Variants in PILRA observed in about 807,000 individuals in gnomAD.
PILRA encodes the protein paired immunoglobulin-like type 2 receptor alpha.
A neutral mutation model predicts 33.1 loss-of-function variants in PILRA; 37 were observed. The observed-to-expected ratio is 1.12, with a 90% CI of 0.86 to 1.47. The LOEUF (loss-of-function observed/expected upper bound fraction) is 1.47. Among genes scored for constraint, PILRA ranks in the 40% most tolerant of loss-of-function variants. The probability of loss-of-function intolerance (pLI) is 0.00; values close to 1 mark genes in which losing one functional copy is unlikely to be tolerated. For missense variants in PILRA, 312 were observed against 376.2 expected (o/e 0.83, Z 1.41); for synonymous variants, 146 against 149.9 (o/e 0.97, Z 0.19).
rs76001785 is a variant in PILRA at position 100,388,283 on chromosome 7, T to C, written c.455-1605T>C. Among the ~76,000 whole-genome samples, 536 of 152,316 alleles carry C rather than the reference T, an allele frequency of 3.5e-3. 3 individuals carry two copies. Among genetic ancestry groups the C allele is most frequent in the African/African-American group, 0.012 (496 of 41,566 alleles). ...TAAGGAGCCTGATTTTTTTGTCCTGTGGCTGAGTACTATGTCAATTTTTTA... is the reference window on the plus strand; with the variant it reads ...TAAGGAGCCTGATTTTTTTGTCCTGCGGCTGAGTACTATGTCAATTTTTTA... On this transcript the variant is annotated intron_variant, in intron 2 of 6. Coordinates refer to ENST00000198536, the MANE Select transcript of PILRA (RefSeq NM_013439.3).
chr7:100,382,603 G>C (rs971033919), intron 2 of PILRA, among the ~76,000 whole-genome samples: 1 of 152,190 alleles, frequency 6.6e-6, no homozygotes, highest in Non-Finnish European at 1.5e-5. Context: ...CTGTAAAATA[G>C]ACCAATCAGC....
At chr7:100,377,266 AGTCTTGCTGT>A (rs1200525586) in intron 2 of PILRA, among the ~76,000 whole-genome samples, 14 of 83,332 alleles carry the variant, frequency 1.7e-4, no homozygotes, top group Admixed American at 1.4e-3. Flanking sequence ...TTTGAGATGG[AGTCTTGCTGT>A]GTCTTCCAGG....
chr7:100,385,466 T>C (rs1791233667), intron 2 of PILRA, among the ~76,000 whole-genome samples: 1 of 152,130 alleles, frequency 6.6e-6, no homozygotes, highest in South Asian at 2.1e-4. Flanking sequence ...ATCTCCCCAG[T>C]CCCTACCACT....
In PILRA at chr7:100,374,606, C is replaced by G. The variant is rs1264359886; in HGVS notation, c.454+173C>G. 6.5e-5 allele frequency: 47 copies of G among 723,428 alleles called. No homozygotes were observed. The Admixed American group carries it at 9.7e-4, about 15-fold the overall frequency. The allele number at this position is 723,428 out of a possible 1,614,324, so 44.8% of individuals were successfully genotyped here. A position where few individuals can be genotyped will look rare whatever the true frequency, so the allele number is the denominator to read the frequency against. On this transcript the variant is annotated intron_variant, in intron 2 of 6. Transcript: ENST00000198536. Reference sequence around the variant, plus strand: ...GCCACCTCTCCCCTTTTCTCTTCCCCTTGTCTCCACAACTGATCTGCTTTC... The same window carrying G: ...GCCACCTCTCCCCTTTTCTCTTCCCGTTGTCTCCACAACTGATCTGCTTTC...
intron 2 of PILRA, among the ~76,000 whole-genome samples, chr7:100,383,690 G>A (rs942802993): frequency 2.6e-5 from 4 of 151,532 alleles, no homozygotes; most frequent in African/African-American, 7.3e-5. Context: ...AGGCTGGAGT[G>A]CAGTAGCATG....
intron 2 of PILRA, among the ~76,000 whole-genome samples, chr7:100,383,346 T>C (rs1453464216): frequency 6.6e-6 from 1 of 152,066 alleles, no homozygotes; most frequent in Non-Finnish European, 1.5e-5. Context: ...CAAGGCCAGC[T>C]CCAAAGGCAC....
intron 4 of PILRA, among the ~76,000 whole-genome samples, chr7:100,398,697 G>GATTGACCTTTTTCCT (rs1791550477): frequency 6.6e-6 from 1 of 152,162 alleles, no homozygotes; most frequent in African/African-American, 2.4e-5. Flanking sequence ...AGAAAGCAAG[G>GATTGACCTTTTTCCT]ATTGACCTTT....
intron 2 of PILRA, among the ~76,000 whole-genome samples, chr7:100,387,663 G>A (rs931228227): frequency 1.1e-4 from 17 of 152,116 alleles, no homozygotes; most frequent in East Asian, 5.8e-4. Flanking sequence ...GTACGATTGC[G>A]CACCCCAGCT....
Position 100,373,491 on chromosome 7 carries a change from TG to T in PILRA, c.-164del. The T allele has an allele frequency of 1.4e-6, 1 of 719,672 alleles. No individual in the cohort carries two copies. Among genetic ancestry groups the T allele is most frequent in the Non-Finnish European group, 2.4e-6 (1 of 411,604 alleles). The allele number at this position is 719,672 out of a possible 1,614,324, so 44.6% of individuals were successfully genotyped here. ...TGGATAAAGGAAGTGCTGGTCACCCTGGAGGTGCACTGGTTTGGGGAAGGCT... is the reference window on the plus strand; with the variant it reads ...TGGATAAAGGAAGTGCTGGTCACCCTGAGGTGCACTGGTTTGGGGAAGGCT... On this transcript the variant is annotated 5_prime_UTR_variant, in exon 1 of 7. Transcript: ENST00000198536.
At chr7:100,395,902 A>G (rs1584228217) in intron 3 of PILRA, among the ~76,000 whole-genome samples, 1 of 152,198 alleles carries the variant, frequency 6.6e-6, no homozygotes, top group East Asian at 1.9e-4. Flanking sequence ...GAGGTGGCAG[A>G]TCACCTGAGG....
upstream of PILRA, among the ~76,000 whole-genome samples, chr7:100,373,008 G>A (rs562182166): frequency 2.0e-5 from 3 of 152,152 alleles, no homozygotes; most frequent in African/African-American, 4.8e-5. Context: ...TGCCTGCACC[G>A]AGAGAGGGCC....
chr7:100,379,372 C>CT (rs1791030652), intron 2 of PILRA, among the ~76,000 whole-genome samples: 1 of 151,506 alleles, frequency 6.6e-6, no homozygotes, highest in Non-Finnish European at 1.5e-5. Flanking sequence ...AAGCAAGACT[C>CT]TGTCTCAAAA....
intron 2 of PILRA, among the ~76,000 whole-genome samples, chr7:100,382,691 C>T (rs994025520): frequency 3.9e-5 from 6 of 152,226 alleles, no homozygotes; most frequent in African/African-American, 1.4e-4. Flanking sequence ...TGGTTCTCTT[C>T]TACGGTGTGG....
chr7:100,387,389 T>G (rs1341473927), intron 2 of PILRA, among the ~76,000 whole-genome samples: 1 of 152,164 alleles, frequency 6.6e-6, no homozygotes, highest in African/African-American at 2.4e-5. Flanking sequence ...AATTTTTGTA[T>G]TTTTAGTAGA....
chr7:100,390,184 C>T (rs1791358087), intron 3 of PILRA, 78 bp downstream of exon 3: 1 of 1,266,856 alleles, frequency 7.9e-7, no homozygotes, highest in Non-Finnish European at 1.1e-6. Flanking sequence ...CTATGGGGCT[C>T]CTGAAATATG....
chr7:100,390,187 G>A, intron 3 of PILRA, 81 bp downstream of exon 3: 1 of 1,213,362 alleles, frequency 8.2e-7, no homozygotes, highest in South Asian at 1.3e-5. Context: ...TGGGGCTCCT[G>A]AAATATGCAG....
intron 3 of PILRA, among the ~76,000 whole-genome samples, chr7:100,391,899 A>G (rs912608697): frequency 2.0e-5 from 3 of 152,202 alleles, no homozygotes; most frequent in African/African-American, 7.2e-5. Context: ...AGAGTTGTCC[A>G]TTGGAAACTC....
intron 3 of PILRA, among the ~76,000 whole-genome samples, chr7:100,397,576 C>T (rs981156691): frequency 2.6e-5 from 4 of 151,626 alleles, no homozygotes; most frequent in African/African-American, 4.9e-5. Context: ...AGTGACTGGG[C>T]GAGGGCTCAG....
chr7:100,374,046 G>A lies in PILRA; in HGVS notation c.67G>A (p.Gly23Ser). 1.2e-6 allele frequency: 2 copies of A among 1,613,474 alleles called. No homozygotes were observed. The highest frequency in any genetic ancestry group is 8.5e-7 in the Non-Finnish European group (1 of 1,179,532). Residue 23 changes from glycine to serine, a missense_variant and splice_region_variant, in exon 2 of 7, where the codon GGC (glycine) becomes AGC (serine). Coordinates refer to ENST00000198536, the MANE Select transcript of PILRA (RefSeq NM_013439.3). The stretch of plus-strand genomic sequence containing the variant: ...TACTCACTCCCTCCCTCCTCTAGGT[G>A]GCTCCACAGGATCTGGTCCAAGCTA... ...LLPPAFLQPS[G>S]STGSGPSYLY...
Sources: allele counts gnomAD v4.1 joint callset (sites outside exome capture counted in the v4.1 genomes callset), GRCh38; gene constraint gnomAD v4.1.1; transcripts MANE v1.5; gene names NCBI Gene and HGNC (gene_info 2026-07-23, HGNC 2026-07-21).